The following IDH3G variants were observed in gnomAD, a reference collection of about 807,000 sequenced individuals.
IDH3G encodes the protein isocitrate dehydrogenase (NAD(+)) 3 non-catalytic subunit gamma, also known as isocitrate dehydrogenase [NAD] subunit gamma, mitochondrial.
Under a neutral mutation model 26.9 loss-of-function variants are expected in IDH3G, and 9 were observed. That is an observed-to-expected ratio of 0.34 (90% confidence interval 0.20 to 0.58). The LOEUF (loss-of-function observed/expected upper bound fraction) is 0.58. IDH3G is among the 20% of genes least tolerant of loss of function. The probability of loss-of-function intolerance (pLI) is 0.85; values close to 1 mark genes in which losing one functional copy is unlikely to be tolerated. For missense variants in IDH3G, 250 were observed against 372.8 expected, an observed-to-expected ratio of 0.67 and a Z score of 2.71; for synonymous variants, 181 against 160.0, an observed-to-expected ratio of 1.13 and a Z score of -0.99.
At position 153,786,484 on chromosome X, in the gene IDH3G, G is replaced by A. The variant is rs782032132; in HGVS notation, c.925-35C>T. Reference sequence around the variant, plus strand: ...CAAGACGAAGGAGAGTGGGTGGAGGGCAGAAGGATGCCGGGCAGTGACTCT... The same window carrying A: ...CAAGACGAAGGAGAGTGGGTGGAGGACAGAAGGATGCCGGGCAGTGACTCT... On this transcript the variant is annotated intron_variant, in intron 10 of 12. Coordinates refer to ENST00000217901, the MANE Select transcript of IDH3G (RefSeq NM_004135.4). 21 of 1,031,947 alleles carry A rather than the reference G, an allele frequency of 2.0e-5. No homozygotes were observed. In the East Asian group the frequency reaches 4.0e-4, roughly 19 times the overall value. The allele number at this position is 1,031,947 out of a possible 1,213,427, so 85.0% of individuals were successfully genotyped here. A position where few individuals can be genotyped will look rare whatever the true frequency, so the allele number is the denominator to read the frequency against.
chrX:153,790,449 AG>A, intron 3 of IDH3G, 114 bp downstream of exon 3: 1 of 917,874 alleles, frequency 1.1e-6, no homozygotes, highest in East Asian at 3.1e-5. Flanking sequence ...CGTCCCAGAC[AG>A]GGCTGCTCAT....
Position 153,787,472 on chromosome X carries a change from G to A in IDH3G, c.666C>T (p.Ala222=). 8.3e-7 allele frequency: 1 copy of A among 1,211,332 alleles called. No individual in the cohort carries two copies. The highest frequency in any genetic ancestry group is 1.1e-6 in the Non-Finnish European group (1 of 895,333). ...GRKKVTAVHK[A]NIMKLGDGLF... is the part of the protein sequence containing the mutation. ...GAGGTCAGGGGACATACATGATGTT[G>A]GCCTTGTGCACGGCCGTCACTTTCT... is the stretch of plus-strand genomic sequence containing the variant. Residue 222 remains alanine, a synonymous_variant, in exon 8 of 13, where the codon GCC becomes GCT. Transcript: ENST00000217901.
chrX:153,788,053 A>G (rs1557069629), intron 6 of IDH3G, 22 bp downstream of exon 6: 1 of 1,211,272 alleles, frequency 8.3e-7, no homozygotes, highest in South Asian at 1.8e-5. Context: ...CCAAGCCCCC[A>G]GCCCGCACAC....
intron 5 of IDH3G, chrX:153,789,029 G>A: frequency 3.1e-5 from 10 of 326,683 alleles, no homozygotes; most frequent in South Asian, 2.7e-4. Context: ...CCAGCAGAGA[G>A]GACTGTCTCA....
At chrX:153,788,186 C>A in intron 5 of IDH3G, 51 bp from the exon 6 acceptor site, 1 of 1,152,399 alleles carries the variant, frequency 8.7e-7, no homozygotes, top group East Asian at 3.0e-5. Flanking sequence ...CGCCCCACCT[C>A]AGCAGGGCAG....
rs2092084632 is a variant in IDH3G, at chrX:153,785,849, A to C, written c.*23T>G. ...GTGGGAAGGGGAATCCAAGGAGCAA[A>C]CCAAGAAGGTCCTAGGGCCAGCCTA... On this transcript the variant is annotated 3_prime_UTR_variant, in exon 13 of 13. Coordinates refer to ENST00000217901, the MANE Select transcript of IDH3G (RefSeq NM_004135.4). 8.3e-7 allele frequency: 1 copy of C among 1,206,712 alleles called. No homozygotes were observed. Among genetic ancestry groups the C allele is most frequent in the Admixed American group, 2.2e-5 (1 of 45,905 alleles).
Position 153,794,371 on chromosome X carries a change from C to T in IDH3G, c.-45G>A, listed in dbSNP as rs782568171. On this transcript the variant is annotated 5_prime_UTR_variant, in exon 1 of 13. Transcript: ENST00000217901. ...CGCACGTCCCGACACGCAGATACCG[C>T]TCTCGCGAGAGTTCGACGGGGTGCG... 7.7e-6 allele frequency: 9 copies of T among 1,168,324 alleles called. No homozygotes were observed. In the South Asian group the frequency reaches 1.1e-4, roughly 15 times the overall value.
chrX:153,785,851 CAAG>C lies in IDH3G; in HGVS notation c.*18_*20del, dbSNP rs1557068976. 4.1e-6 allele frequency: 5 copies of C among 1,208,516 alleles called. No homozygotes were observed. In the East Asian group the frequency reaches 1.2e-4, roughly 29 times the overall value. ...GGGAAGGGGAATCCAAGGAGCAAAC[CAAG>C]AAGGTCCTAGGGCCAGCCTAGGCCT... is the stretch of plus-strand genomic sequence containing the variant. On this transcript the variant is annotated 3_prime_UTR_variant, in exon 13 of 13. Transcript: ENST00000217901.
At chrX:153,794,215 G>A (rs1557071277) in intron 1 of IDH3G, 31 bp downstream of exon 1, 8 of 1,161,342 alleles carry the variant, frequency 6.9e-6, no homozygotes, top group South Asian at 5.7e-5. Context: ...TGCGACCGCT[G>A]CCGCGGTCCC....
intron 1 of IDH3G, chrX:153,792,134 T>C (rs1434013732): frequency 7.2e-5 from 8 of 111,533 alleles, no homozygotes; most frequent in African/African-American, 2.3e-4. Context: ...AAGGCCCTAC[T>C]TACCCCCTTC....
chrX:153,789,622 C>A (rs2092101857), intron 5 of IDH3G, 90 bp downstream of exon 5: 1 of 550,552 alleles, frequency 1.8e-6, no homozygotes, highest in Non-Finnish European at 3.0e-6. Flanking sequence ...AGAAAGCAAG[C>A]AAGCGAGCAA....
At chrX:153,788,555 G>A (rs1452422516) in intron 5 of IDH3G, among the ~76,000 whole-genome samples, 2 of 112,873 alleles carry the variant, frequency 1.8e-5, no homozygotes, top group Admixed American at 1.9e-4. Context: ...GAGGCAGGCG[G>A]GGGCTGCCTG....
intron 5 of IDH3G, 114 bp downstream of exon 5, chrX:153,789,598 C>T: frequency 8.0e-6 from 4 of 500,584 alleles, no homozygotes; most frequent in Non-Finnish European, 1.0e-5. Context: ...AGCAAGAAAG[C>T]AGGAAAGCAA....
intron 5 of IDH3G, chrX:153,789,182 C>G (rs1557069858): frequency 5.9e-6 from 2 of 341,490 alleles, no homozygotes; most frequent in Admixed American, 6.2e-5. Context: ...CACGAGGGTC[C>G]TCTCTAGCCA....
In IDH3G at chrX:153,785,990, G is replaced by A; in HGVS notation, c.1081-17C>T. ...AGTGTGCATCTGTAGGACACAGGCA[G>A]GCTCGGCACACACCAGGCCCTGCCA... On this transcript the variant is annotated splice_polypyrimidine_tract_variant and intron_variant, in intron 12 of 12. Coordinates refer to ENST00000217901, the MANE Select transcript of IDH3G (RefSeq NM_004135.4). 8.3e-7 allele frequency: 1 copy of A among 1,211,182 alleles called. No homozygotes were observed. The highest frequency in any genetic ancestry group is 1.1e-6 in the Non-Finnish European group (1 of 895,365).
intron 5 of IDH3G, among the ~76,000 whole-genome samples, chrX:153,788,834 GGCTGAGTGTGCAAAATGA>G (rs1234405156): frequency 1.1e-4 from 12 of 112,924 alleles, no homozygotes; most frequent in African/African-American, 3.5e-4. Flanking sequence ...GCAAGTAATG[GGCTGAGTGTGCAAAATGA>G]GCAATGGAAG....
chrX:153,789,345 A>C (rs1212951580), intron 5 of IDH3G: 1 of 278,184 alleles, frequency 3.6e-6, no homozygotes, highest in Non-Finnish European at 7.0e-6. Flanking sequence ...GGAGTTCAAG[A>C]CCAGCCTGGC....
chrX:153,790,389 C>T (rs939285316), intron 3 of IDH3G, 97 bp from the exon 4 acceptor site: 9 of 898,901 alleles, frequency 1.0e-5, no homozygotes, highest in Non-Finnish European at 1.3e-5. Flanking sequence ...TTCCCACTGG[C>T]GCTGACCCCA....
At chrX:153,786,319 T>A (rs782038834) in intron 11 of IDH3G, 36 bp downstream of exon 11, 60 of 1,201,095 alleles carry the variant, frequency 5.0e-5, no homozygotes, top group Non-Finnish European at 6.4e-5. Flanking sequence ...CCCGGAGGGC[T>A]GGCCAGGGGC....
Sources: allele counts gnomAD v4.1 joint callset (sites outside exome capture counted in the v4.1 genomes callset), GRCh38; gene constraint gnomAD v4.1.1; transcripts MANE v1.5; gene names NCBI Gene and HGNC (gene_info 2026-07-23, HGNC 2026-07-21).